Variants in S100Z observed in about 807,000 individuals in gnomAD.
The protein encoded by S100Z is protein S100-Z.
S100Z carries 11 observed loss-of-function variants against 8.5 expected under a neutral mutation model. The ratio of observed to expected loss-of-function variants is 1.30; its 90% confidence interval spans 0.82 to 2.15. S100Z has a LOEUF of 2.15. Among genes scored for constraint, S100Z ranks in the 30% most tolerant of loss-of-function variants. The pLI is 0.00. For missense variants in S100Z, 126 were observed against 117.9 expected (o/e 1.07, Z -0.32); for synonymous variants, 34 against 43.8 (o/e 0.78, Z 0.89).
intron 1 of S100Z, among the ~76,000 whole-genome samples, chr5:76,863,615 T>G (rs955448087): frequency 6.6e-6 from 1 of 152,160 alleles, no homozygotes; most frequent in Non-Finnish European, 1.5e-5. Context: ...CTCGGCTCAC[T>G]GCAAGCTCCG....
intron 1 of S100Z, among the ~76,000 whole-genome samples, chr5:76,857,125 C>G (rs1482740719): frequency 1.3e-5 from 2 of 152,178 alleles, no homozygotes; most frequent in East Asian, 1.9e-4. Flanking sequence ...AACCCCGTCT[C>G]TACTAAGAAT....
chr5:76,945,229 G>T, the S100Z span, among the ~76,000 whole-genome samples: 1 of 152,148 alleles, frequency 6.6e-6, no homozygotes, highest in African/African-American at 2.4e-5. Context: ...CATAAACCAG[G>T]GGCACAATGC....
the S100Z span, among the ~76,000 whole-genome samples, chr5:76,938,139 G>C: frequency 6.6e-6 from 1 of 151,910 alleles, no homozygotes; most frequent in African/African-American, 2.4e-5. Flanking sequence ...AATGAGATTG[G>C]TCAAAAAGGT....
chr5:76,867,359 G>A (rs762493779), intron 1 of S100Z, among the ~76,000 whole-genome samples: 67 of 152,150 alleles, frequency 4.4e-4, no homozygotes, highest in Non-Finnish European at 7.9e-4. Context: ...TTAGCCTCCT[G>A]TATGACTGTA....
intron 1 of S100Z, among the ~76,000 whole-genome samples, chr5:76,852,637 G>C (rs987560236): frequency 6.6e-6 from 1 of 152,156 alleles, no homozygotes; most frequent in Non-Finnish European, 1.5e-5. Context: ...TTAAACCCAG[G>C]AGGCGGAGGT....
Position 76,862,671 on chromosome 5 carries a change from G to A in S100Z, c.-175-7495G>A, listed in dbSNP as rs555341175. Among the ~76,000 whole-genome samples the A allele has an allele frequency of 2.7e-3, 412 of 152,088 alleles. 4 individuals are homozygous for A. Among genetic ancestry groups the A allele is most frequent in the South Asian group, 2.1e-3 (10 of 4,810 alleles). Reference sequence around the variant, plus strand: ...AAAAAAATTAGCTGGGCACGGTGGCGCATTCCTGTAGTCCCAGCTACTCTG... The same window carrying A: ...AAAAAAATTAGCTGGGCACGGTGGCACATTCCTGTAGTCCCAGCTACTCTG... On this transcript the variant is annotated intron_variant, in intron 1 of 4. Transcript: ENST00000317593.
chr5:76,880,508 G>A (rs867146470), intron 4 of S100Z, among the ~76,000 whole-genome samples: 4 of 152,272 alleles, frequency 2.6e-5, no homozygotes, highest in African/African-American at 7.2e-5. Flanking sequence ...GCTGAAGGAA[G>A]ATTTTGTGGT....
intron 1 of S100Z, among the ~76,000 whole-genome samples, chr5:76,869,538 G>T (rs539729672): frequency 6.6e-6 from 1 of 152,308 alleles, no homozygotes; most frequent in East Asian, 1.9e-4. Context: ...CCTTTGAATG[G>T]CCAGGAGCGT....
chr5:76,873,865 T>A (rs1743092336), intron 2 of S100Z, among the ~76,000 whole-genome samples: 3 of 152,224 alleles, frequency 2.0e-5, no homozygotes. Flanking sequence ...TCTTTCTTTA[T>A]TAAGTTTCTC....
the S100Z span, among the ~76,000 whole-genome samples, chr5:76,939,518 T>TC: frequency 0.033 from 20 of 604 alleles, no homozygotes; most frequent in Admixed American, 0.079. Context: ...GGTGTTTAAC[T>TC]TTTTTTTTTT....
intron 4 of S100Z, among the ~76,000 whole-genome samples, chr5:76,910,914 C>G (rs1744630221): frequency 1.3e-5 from 2 of 152,224 alleles, no homozygotes; most frequent in South Asian, 4.1e-4. Context: ...AATTGGGAGA[C>G]TTTGCTCTTT....
intron 4 of S100Z, among the ~76,000 whole-genome samples, chr5:76,898,241 C>G (rs1242164187): frequency 1.3e-5 from 2 of 151,926 alleles, no homozygotes; most frequent in East Asian, 3.9e-4. Flanking sequence ...ACCTCCACCT[C>G]CCGGGTTCAA....
intron 2 of S100Z, among the ~76,000 whole-genome samples, chr5:76,873,452 C>CAT (rs1481956602): frequency 6.6e-6 from 1 of 151,984 alleles, no homozygotes; most frequent in African/African-American, 2.4e-5. Context: ...GGACTACAGG[C>CAT]GTGCACCACC....
chr5:76,875,353 T>A lies in S100Z; in HGVS notation c.-7T>A. 1 of 1,609,748 alleles carries A rather than the reference T, an allele frequency of 6.2e-7. No individual in the cohort carries two copies. The highest frequency in any genetic ancestry group is 1.3e-5 in the African/African-American group (1 of 74,930). ...CTGCTTCTGGAGTGGTCAGTTCTGC[T>A]GCCGACATGCCCACCCAGCTCGAGA... is the stretch of plus-strand genomic sequence containing the variant. On this transcript the variant is annotated 5_prime_UTR_variant, in exon 3 of 5. Coordinates refer to ENST00000317593, the MANE Select transcript of S100Z (RefSeq NM_130772.4).
chr5:76,892,138 A>G (rs1272628023), intron 4 of S100Z, among the ~76,000 whole-genome samples: 1 of 152,208 alleles, frequency 6.6e-6, no homozygotes, highest in Non-Finnish European at 1.5e-5. Flanking sequence ...AAGCACCCAG[A>G]ACACATGAAG....
At chr5:76,915,321 A>G (rs1426029226) in intron 4 of S100Z, among the ~76,000 whole-genome samples, 1 of 144,904 alleles carries the variant, frequency 6.9e-6, no homozygotes, top group African/African-American at 2.6e-5. Flanking sequence ...AAAAAAAAAA[A>G]TGCTGGGCGT....
the S100Z span, among the ~76,000 whole-genome samples, chr5:76,951,663 T>C: frequency 5.5e-4 from 84 of 152,350 alleles, no homozygotes; most frequent in Admixed American, 3.1e-3. Context: ...TCTCCTCTTT[T>C]ATTCCTCCCA....
chr5:76,851,483 G>A (rs1286116296), intron 1 of S100Z, among the ~76,000 whole-genome samples: 1 of 152,056 alleles, frequency 6.6e-6, no homozygotes, highest in African/African-American at 2.4e-5. Context: ...AGAGAGTGAG[G>A]AGATACAACC....
intron 2 of S100Z, among the ~76,000 whole-genome samples, chr5:76,874,844 C>T (rs918721205): frequency 1.3e-5 from 2 of 151,984 alleles, no homozygotes; most frequent in African/African-American, 4.8e-5. Context: ...CAGCTTGCCC[C>T]AGCAAGGGTG....
Sources: gnomAD v4.1 joint callset for allele counts (sites outside exome capture counted in the v4.1 genomes callset) on GRCh38, gnomAD v4.1.1 for gene constraint, MANE v1.5 for transcripts, NCBI Gene and HGNC (gene_info 2026-07-23, HGNC 2026-07-21) for gene names.